SS18L1: variants seen among roughly 807,000 people sequenced by gnomAD.
SS18L1 encodes calcium-responsive transactivator.
Under a neutral mutation model 70.3 loss-of-function variants are expected in SS18L1, and 32 were observed. That is an observed-to-expected ratio of 0.46 (90% confidence interval 0.34 to 0.61). SS18L1 has a LOEUF of 0.61. Ranked by LOEUF, SS18L1 falls within the 20% of genes least tolerant of loss-of-function variation. SS18L1 has a pLI of 0.01. For missense variants in SS18L1, 430 were observed against 542.1 expected, an observed-to-expected ratio of 0.79 and a Z score of 2.05; for synonymous variants, 237 against 229.7, an observed-to-expected ratio of 1.03 and a Z score of -0.29.
intron 1 of SS18L1, among the ~76,000 whole-genome samples, chr20:62,153,582 G>A (rs929486637): frequency 1.3e-5 from 2 of 152,152 alleles, no homozygotes; most frequent in African/African-American, 4.8e-5. Context: ...ACGTGGTGAT[G>A]ATAAACACCT....
intron 8 of SS18L1, among the ~76,000 whole-genome samples, chr20:62,167,117 C>G (rs1334499404): frequency 2.3e-5 from 3 of 132,730 alleles, no homozygotes; most frequent in Non-Finnish European, 4.6e-5. Context: ...ATGATCTTGG[C>G]TCACTGCCAC....
In SS18L1 at chr20:62,164,285, A is replaced by G. The variant is rs2057387893; in HGVS notation, c.823+39A>G. On this transcript the variant is annotated intron_variant, in intron 7 of 10. Coordinates refer to ENST00000331758, the MANE Select transcript of SS18L1 (RefSeq NM_198935.3). ...GCGGCCTGACCCCGCCCAGGAACGC[A>G]GAGCAGCTGCAGGGGCAAGGAGGGC... 1.0e-5 allele frequency: 16 copies of G among 1,532,072 alleles called. No individual in the cohort carries two copies. The East Asian group carries it at 3.7e-4, about 35-fold the overall frequency. The allele number at this position is 1,532,072 out of a possible 1,614,324, so 94.9% of individuals were successfully genotyped here. A position where few individuals can be genotyped will look rare whatever the true frequency, so the allele number is the denominator to read the frequency against.
Position 62,165,553 on chromosome 20 carries a change from G to C in SS18L1, c.916+39G>C, listed in dbSNP as rs372480235. ...CTGCGTGCTGGGCTCGAGCGTAAGC[G>C]CCACACGCAGCAGAGTTAAGACGCT... On this transcript the variant is annotated intron_variant, in intron 8 of 10. Transcript: ENST00000331758. 4 of 1,570,342 alleles carry C rather than the reference G, an allele frequency of 2.5e-6. No homozygotes were observed. The African/African-American group carries it at 5.4e-5, about 21-fold the overall frequency.
rs556667096 is a variant in SS18L1, at chr20:62,170,280, C to T, written c.917-2402C>T. Among the ~76,000 whole-genome samples the T allele has an allele frequency of 4.6e-5, 7 of 152,250 alleles. No homozygotes were observed. In the East Asian group the frequency reaches 7.7e-4, roughly 17 times the overall value. Reference sequence around the variant, plus strand: ...CAGCACTTTGGGAGGCCGGGGCAGGCGGATCACGAGGTCAGGAGATCGAGA... The same window carrying T: ...CAGCACTTTGGGAGGCCGGGGCAGGTGGATCACGAGGTCAGGAGATCGAGA... On this transcript the variant is annotated intron_variant, in intron 8 of 10. Coordinates refer to ENST00000331758, the MANE Select transcript of SS18L1 (RefSeq NM_198935.3).
intron 4 of SS18L1, chr20:62,162,493 G>A (rs1303748014): frequency 2.8e-5 from 11 of 390,094 alleles, no homozygotes; most frequent in Non-Finnish European, 4.6e-5. Context: ...TAGTAGAGAC[G>A]GGGTTTCACC....
intron 8 of SS18L1, among the ~76,000 whole-genome samples, chr20:62,165,845 C>T (rs1007204582): frequency 6.6e-6 from 1 of 152,150 alleles, no homozygotes; most frequent in Non-Finnish European, 1.5e-5. Context: ...GTTGGGGACA[C>T]AGACTCTGTT....
rs2057257210 is a variant in SS18L1 at position 62,158,166 on chromosome 20, C to T, written c.70-506C>T. Among the ~76,000 whole-genome samples the T allele has an allele frequency of 6.6e-6, 1 of 152,064 alleles. No homozygotes were observed. The highest frequency in any genetic ancestry group is 6.5e-5 in the Admixed American group (1 of 15,268). Reference sequence around the variant, plus strand: ...CCATCGGCTTGGCTGACCCTTGCTGCACAGATGCTCTGCCGTCAAGGGCCC... The same window carrying T: ...CCATCGGCTTGGCTGACCCTTGCTGTACAGATGCTCTGCCGTCAAGGGCCC... On this transcript the variant is annotated intron_variant, in intron 1 of 10. Coordinates refer to ENST00000331758, the MANE Select transcript of SS18L1 (RefSeq NM_198935.3). The surrounding 1 kb of genome is among the most constrained non-coding windows in gnomAD (Gnocchi z 4.5).
chr20:62,152,836 C>T (rs575954852), intron 1 of SS18L1, among the ~76,000 whole-genome samples: 4 of 152,238 alleles, frequency 2.6e-5, no homozygotes, highest in African/African-American at 4.8e-5. Context: ...AACTACGAAT[C>T]GACAACCTCC....
At chr20:62,170,620 G>A (rs978173868) in intron 8 of SS18L1, among the ~76,000 whole-genome samples, 16 of 152,376 alleles carry the variant, frequency 1.1e-4, no homozygotes, top group African/African-American at 3.4e-4. Flanking sequence ...GAGCCCTGCA[G>A]ATTTCATGCA....
At chr20:62,147,758 G>T (rs1162613947) in intron 1 of SS18L1, among the ~76,000 whole-genome samples, 1 of 152,070 alleles carries the variant, frequency 6.6e-6, no homozygotes, top group Non-Finnish European at 1.5e-5. Context: ...AGACCTTCGT[G>T]GGGTGGGTTA....
At chr20:62,154,580 C>G in intron 1 of SS18L1, 1 of 998,430 alleles carries the variant, frequency 1.0e-6, no homozygotes. Context: ...TGGGACACAG[C>G]TCCTCCGGAA....
intron 8 of SS18L1, among the ~76,000 whole-genome samples, chr20:62,171,836 T>G (rs534848268): frequency 2.0e-5 from 3 of 150,752 alleles, no homozygotes; most frequent in Admixed American, 6.6e-5. Flanking sequence ...CTGGGCAACA[T>G]AGAGAGACCC....
At chr20:62,144,901 A>G (rs548918986) in intron 1 of SS18L1, among the ~76,000 whole-genome samples, 1 of 152,310 alleles carries the variant, frequency 6.6e-6, no homozygotes, top group South Asian at 2.1e-4. Context: ...TGGTATTCCT[A>G]GGTTCCCAGG....
intron 8 of SS18L1, among the ~76,000 whole-genome samples, chr20:62,168,281 A>C (rs891725795): frequency 2.0e-5 from 3 of 151,862 alleles, no homozygotes; most frequent in African/African-American, 7.3e-5. Context: ...TGTTTGTTAG[A>C]CTCTGACATG....
At chr20:62,152,282 C>T (rs2057147665) in intron 1 of SS18L1, among the ~76,000 whole-genome samples, 1 of 152,220 alleles carries the variant, frequency 6.6e-6, no homozygotes, top group Admixed American at 6.5e-5. Flanking sequence ...CTGTCGCCTC[C>T]ACTCACCCAG....
rs781286056 is a variant in SS18L1 at position 62,161,608 on chromosome 20, C to T, written c.376+28C>T. On this transcript the variant is annotated intron_variant, in intron 4 of 10. Coordinates refer to ENST00000331758, the MANE Select transcript of SS18L1 (RefSeq NM_198935.3). The surrounding 1 kb of genome is among the most constrained non-coding windows in gnomAD (Gnocchi z 4.4). The stretch of plus-strand genomic sequence containing the variant: ...GAGTGCGGCGGGGGAGGAGGACGTT[C>T]CTGGCTACGAGGCCACCAAGGCAGC... 17 of 1,591,380 alleles carry T rather than the reference C, an allele frequency of 1.1e-5. No homozygotes were observed. Among genetic ancestry groups the T allele is most frequent in the Non-Finnish European group, 1.3e-5 (15 of 1,163,556 alleles).
chr20:62,145,688 C>T (rs1207649866), intron 1 of SS18L1, among the ~76,000 whole-genome samples: 1 of 152,220 alleles, frequency 6.6e-6, no homozygotes, highest in Non-Finnish European at 1.5e-5. Context: ...GGCAGAAACT[C>T]AGCCTGCTGA....
Position 62,143,874 on chromosome 20 carries a change from G to T in SS18L1, c.54G>T (p.Gln18His), listed in dbSNP as rs760324018. The T allele has an allele frequency of 7.8e-7, 1 of 1,278,170 alleles. No homozygotes were observed. 79.2% of individuals were successfully genotyped at this position (1,278,170 alleles called of 1,614,324 possible). The change falls in exon 1 of 11, where the codon CAG becomes CAT. Residue 18 changes from glutamine to histidine, a missense_variant. Coordinates refer to ENST00000331758, the MANE Select transcript of SS18L1 (RefSeq NM_198935.3). ...CAAGAGGCAAAGGGGAGGTTACGCA[G>T]CAAACCATCCAGAAGGTGGGCCGGG... ...ARPRGKGEVT[Q>H]QTIQKMLDEN...
At chr20:62,175,683 C>T (rs748174333) in intron 10 of SS18L1, among the ~76,000 whole-genome samples, 6 of 152,182 alleles carry the variant, frequency 3.9e-5, no homozygotes, top group Admixed American at 2.0e-4. Flanking sequence ...AGCACTACAT[C>T]GCTCAAGTTT....
Sources: gnomAD v4.1 joint callset for allele counts (sites outside exome capture counted in the v4.1 genomes callset) on GRCh38, gnomAD v4.1.1 for gene constraint, Gnocchi (gnomAD v3.1) non-coding constraint, MANE v1.5 for transcripts, NCBI Gene and HGNC (gene_info 2026-07-23, HGNC 2026-07-21) for gene names.